PDE8B: variants seen among roughly 807,000 people sequenced by gnomAD.
PDE8B encodes the protein phosphodiesterase 8B, also known as high affinity cAMP-specific and IBMX-insensitive 3',5'-cyclic phosphodiesterase 8B.
A neutral mutation model predicts 101.3 loss-of-function variants in PDE8B; 26 were observed. The ratio of observed to expected loss-of-function variants is 0.26; its 90% CI spans 0.19 to 0.36. The LOEUF is 0.36. Among genes scored for constraint, PDE8B ranks in the 10% least tolerant of loss-of-function variants. The pLI is 1.00. For missense variants in PDE8B, 810 were observed against 1,163.1 expected, an observed-to-expected ratio of 0.70 and a Z score of 4.42; for synonymous variants, 424 against 429.3, an observed-to-expected ratio of 0.99 and a Z score of 0.15.
At chr5:77,332,442 T>C (rs966361276) in intron 5 of PDE8B, among the ~76,000 whole-genome samples, 5 of 152,126 alleles carry the variant, frequency 3.3e-5, no homozygotes, top group Admixed American at 3.3e-4. Flanking sequence ...TGAATAACAC[T>C]GATATTCAAC....
intron 1 of PDE8B, among the ~76,000 whole-genome samples, chr5:77,294,702 T>G (rs988655869): frequency 1.3e-5 from 2 of 149,158 alleles, no homozygotes; most frequent in Non-Finnish European, 3.0e-5. Context: ...GGAAGAAATA[T>G]AAGAGTGAAT....
At chr5:77,421,629 G>C (rs1361302081) in intron 19 of PDE8B, among the ~76,000 whole-genome samples, 192 bp from the exon 20 acceptor site, 2 of 152,098 alleles carry the variant, frequency 1.3e-5, no homozygotes, top group African/African-American at 4.8e-5. Context: ...TTTTAAGACT[G>C]TATCAGTATA....
intron 1 of PDE8B, among the ~76,000 whole-genome samples, chr5:77,241,782 A>T (rs759994966): frequency 2.0e-5 from 3 of 152,254 alleles, no homozygotes; most frequent in African/African-American, 7.2e-5. Context: ...TTGATTTGCT[A>T]AAGAAACCAC....
At chr5:77,351,318 C>T (rs1047056873) in intron 9 of PDE8B, among the ~76,000 whole-genome samples, 165 bp downstream of exon 9, 1 of 152,232 alleles carries the variant, frequency 6.6e-6, no homozygotes, top group African/African-American at 2.4e-5. Context: ...CAGCAACCCC[C>T]AAACATGGTT....
At chr5:77,305,866 G>A (rs181793136) in intron 1 of PDE8B, among the ~76,000 whole-genome samples, 24 of 152,306 alleles carry the variant, frequency 1.6e-4, no homozygotes, top group Middle Eastern at 3.4e-3. Context: ...AGTGTGAAAT[G>A]ATCTTCACCG....
chr5:77,137,163 G>A, the PDE8B span, among the ~76,000 whole-genome samples: 5 of 152,134 alleles, frequency 3.3e-5, no homozygotes, highest in Non-Finnish European at 5.9e-5. Flanking sequence ...TTGCTGACAG[G>A]GGAAAGGAGA....
At chr5:77,265,163 A>G (rs1231468097) in intron 1 of PDE8B, among the ~76,000 whole-genome samples, 2 of 152,154 alleles carry the variant, frequency 1.3e-5, no homozygotes, top group Non-Finnish European at 2.9e-5. Flanking sequence ...AGCTCATGGT[A>G]CTCTTATGGG....
chr5:77,220,137 C>T (rs1750776401), intron 1 of PDE8B, among the ~76,000 whole-genome samples: 1 of 152,214 alleles, frequency 6.6e-6, no homozygotes, highest in Admixed American at 6.5e-5. Context: ...CTTGCAGGTC[C>T]TCCTGTCCTT....
intron 1 of PDE8B, among the ~76,000 whole-genome samples, chr5:77,217,210 C>A (rs1318400354): frequency 6.6e-6 from 1 of 152,024 alleles, no homozygotes; most frequent in Non-Finnish European, 1.5e-5. Context: ...TGTCCTTCTC[C>A]CTATCCTGAA....
chr5:77,090,639 T>G, the PDE8B span, among the ~76,000 whole-genome samples: 1 of 152,224 alleles, frequency 6.6e-6, no homozygotes, highest in South Asian at 2.1e-4. Flanking sequence ...TATGAGATCA[T>G]GCAGTATTTG....
At chr5:77,116,224 ATTT>A in the PDE8B span, among the ~76,000 whole-genome samples, 320 of 59,466 alleles carry the variant, frequency 5.4e-3, no homozygotes, top group Middle Eastern at 0.02. Context: ...ATATATATAT[ATTT>A]TTTTTTTTTT....
intron 1 of PDE8B, among the ~76,000 whole-genome samples, chr5:77,250,587 G>T (rs573180254): frequency 2.6e-5 from 4 of 152,306 alleles, no homozygotes; most frequent in African/African-American, 9.6e-5. Context: ...AGCAGAGAAG[G>T]TCTCTTTTCC....
rs1483643054 is a variant in PDE8B, at chr5:77,240,459, A to C, written c.339+29195A>C. On this transcript the variant is annotated intron_variant, in intron 1 of 21. Transcript: ENST00000264917. ...TGAGCCACCGCGCCCGGCCAAGGGC[A>C]ATTTAAATTTTAATTAAAACTCCGA... is the stretch of plus-strand genomic sequence containing the variant. 7.2e-5 allele frequency among the ~76,000 whole-genome samples: 11 copies of C among 152,282 alleles called. No individual in the cohort carries two copies. The East Asian group carries it at 2.1e-3, about 29-fold the overall frequency.
chr5:77,338,537 G>T (rs76807946), intron 6 of PDE8B, among the ~76,000 whole-genome samples: 1 of 152,140 alleles, frequency 6.6e-6, no homozygotes, highest in Non-Finnish European at 1.5e-5. Flanking sequence ...CTTTTTGAGC[G>T]TATAAGTAAG....
the PDE8B span, among the ~76,000 whole-genome samples, chr5:77,153,873 C>T: frequency 6.6e-6 from 1 of 152,190 alleles, no homozygotes; most frequent in African/African-American, 2.4e-5. Context: ...CCATGCCCGG[C>T]CCAGCTGTAC....
chr5:77,134,789 A>G, the PDE8B span, among the ~76,000 whole-genome samples: 1 of 152,264 alleles, frequency 6.6e-6, no homozygotes, highest in East Asian at 1.9e-4. Context: ...GAAGATGACT[A>G]TGGGTTGCGA....
At chr5:77,104,435 T>C in the PDE8B span, 8 of 152,156 alleles carry the variant, frequency 5.3e-5, no homozygotes, top group African/African-American at 1.9e-4. Flanking sequence ...GTCATAAGGC[T>C]CCTTCCTCGT....
the PDE8B span, among the ~76,000 whole-genome samples, chr5:77,182,022 C>T: frequency 6.7e-6 from 1 of 148,902 alleles, no homozygotes; most frequent in South Asian, 2.2e-4. Context: ...AATGACAATT[C>T]ATCAGCAGTG....
chr5:77,384,531 G>C (rs1178077208), intron 10 of PDE8B, among the ~76,000 whole-genome samples: 1 of 152,192 alleles, frequency 6.6e-6, no homozygotes, highest in Non-Finnish European at 1.5e-5. Context: ...TGGTGAGAGA[G>C]GGCATCCTTG....
Sources: allele counts gnomAD v4.1 joint callset (sites outside exome capture counted in the v4.1 genomes callset), GRCh38; gene constraint gnomAD v4.1.1; transcripts MANE v1.5; gene names NCBI Gene and HGNC (gene_info 2026-07-23, HGNC 2026-07-21).